The following NPSR1 variants were observed in gnomAD, a reference collection of about 807,000 sequenced individuals.
NPSR1 encodes the protein neuropeptide S receptor 1.
In NPSR1, 48 loss-of-function variants were observed where a neutral mutation model predicts 46.9. The ratio of observed to expected loss-of-function variants is 1.02; its 90% CI spans 0.81 to 1.30. The LOEUF (loss-of-function observed/expected upper bound fraction) is 1.30. Ranked by LOEUF, NPSR1 falls within the 50% of genes most tolerant of loss-of-function variation. The pLI is 0.00. For missense variants in NPSR1, 450 were observed against 449.5 expected, an observed-to-expected ratio of 1.00 and a Z score of -0.01; for synonymous variants, 176 against 168.1, an observed-to-expected ratio of 1.05 and a Z score of -0.36.
chr7:34,845,546 T>A (rs1335597515), intron 7 of NPSR1: 1 of 455,566 alleles, frequency 2.2e-6, no homozygotes, highest in Non-Finnish European at 4.4e-6. Context: ...TACTTCCTAA[T>A]CTCATTTGTT....
At chr7:34,775,255 C>G (rs1012295529) in intron 2 of NPSR1, among the ~76,000 whole-genome samples, 19 of 152,160 alleles carry the variant, frequency 1.2e-4, no homozygotes, top group African/African-American at 4.6e-4. Context: ...ATGGGCAAAG[C>G]AGAAAACGAA....
chr7:34,768,982 G>C (rs977635015), intron 2 of NPSR1, among the ~76,000 whole-genome samples: 5 of 152,132 alleles, frequency 3.3e-5, no homozygotes, highest in Admixed American at 6.6e-5. Context: ...GAGGAGAGAG[G>C]AGGATAGGAT....
At chr7:34,732,562 G>A (rs536885066) in intron 2 of NPSR1, among the ~76,000 whole-genome samples, 1 of 152,110 alleles carries the variant, frequency 6.6e-6, no homozygotes, top group Non-Finnish European at 1.5e-5. Context: ...CCTGACATGG[G>A]GAAAACTCAT....
intron 2 of NPSR1, among the ~76,000 whole-genome samples, chr7:34,775,870 C>A (rs1481191181): frequency 2.6e-5 from 4 of 151,960 alleles, no homozygotes. Flanking sequence ...GTACTAATAG[C>A]CATAAACTTC....
chr7:34,798,466 C>G (rs767513647), intron 3 of NPSR1, among the ~76,000 whole-genome samples: 2 of 152,020 alleles, frequency 1.3e-5, no homozygotes, highest in African/African-American at 2.4e-5. Flanking sequence ...ACCCGGAAGG[C>G]GAAGGTTGCA....
At chr7:34,874,761 G>A (rs994963597) in intron 8 of NPSR1, among the ~76,000 whole-genome samples, 1 of 152,050 alleles carries the variant, frequency 6.6e-6, no homozygotes, top group Non-Finnish European at 1.5e-5. Context: ...CCCTGCATGA[G>A]AAACTAACAG....
At chr7:34,750,807 C>T in intron 2 of NPSR1, 1 of 693,314 alleles carries the variant, frequency 1.4e-6, no homozygotes, top group Admixed American at 1.8e-5. Context: ...TCAGTTTAGG[C>T]TGTGTGGAAC....
intron 1 of NPSR1, among the ~76,000 whole-genome samples, chr7:34,677,340 T>A (rs1459829172): frequency 1.3e-5 from 2 of 152,184 alleles, no homozygotes; most frequent in Non-Finnish European, 2.9e-5. Flanking sequence ...GACCATTTAC[T>A]CACTTCAGCA....
chr7:34,842,826 G>A (rs1050028495), intron 6 of NPSR1, among the ~76,000 whole-genome samples: 6 of 152,136 alleles, frequency 3.9e-5, no homozygotes, highest in African/African-American at 7.2e-5. Flanking sequence ...GCCGCCTCAG[G>A]AGTTCAGCCC....
chr7:34,802,550 C>T (rs62462940), intron 3 of NPSR1, among the ~76,000 whole-genome samples: 1 of 149,662 alleles, frequency 6.7e-6, no homozygotes, highest in Admixed American at 6.6e-5. Flanking sequence ...CCTTACACCT[C>T]ATACAAAAAT....
At chr7:34,832,942 T>C (rs56063022) in intron 5 of NPSR1, among the ~76,000 whole-genome samples, 17 of 152,310 alleles carry the variant, frequency 1.1e-4, no homozygotes, top group Non-Finnish European at 2.2e-4. Flanking sequence ...ATTTTTTCTT[T>C]ACTGCAGGCA....
chr7:34,878,319 A>C (rs1006232116), exon 9 of NPSR1: 9 of 505,196 alleles, frequency 1.8e-5, no homozygotes, highest in Non-Finnish European at 3.3e-5. Flanking sequence ...AGGGAGGGCT[A>C]TAAGAAGGCA....
chr7:34,691,094 T>G (rs1201514338), intron 2 of NPSR1, among the ~76,000 whole-genome samples: 1 of 152,158 alleles, frequency 6.6e-6, no homozygotes, highest in African/African-American at 2.4e-5. Flanking sequence ...AAAGAACAAA[T>G]GTGCCAGCCA....
intron 2 of NPSR1, among the ~76,000 whole-genome samples, chr7:34,702,579 T>A (rs2128696641): frequency 6.6e-6 from 1 of 152,298 alleles, no homozygotes; most frequent in South Asian, 2.1e-4. Context: ...TCTAATGACT[T>A]ATTATCTTGG....
At position 34,658,425 on chromosome 7, in the gene NPSR1, T is replaced by G; in HGVS notation, c.13T>G (p.Phe5Val). The G allele has an allele frequency of 3.1e-6, 5 of 1,614,032 alleles. No homozygotes were observed. Among genetic ancestry groups the G allele is most frequent in the Non-Finnish European group, 4.2e-6 (5 of 1,179,982 alleles). MPAN[F>V]TEGSFDSSGT... is the part of the protein sequence containing the mutation. ...CCCCGCCTGAGCCATGCCAGCCAAC[T>G]TCACAGAGGGCAGCTTCGATTCCAG... The change falls in exon 1 of 9, where the codon TTC becomes GTC. Residue 5 changes from phenylalanine to valine, a missense_variant. By Grantham distance (50) the Phe-to-Val change is conservative. Coordinates refer to ENST00000360581, the MANE Select transcript of NPSR1 (RefSeq NM_207172.2).
intron 6 of NPSR1, 89 bp from the exon 7 acceptor site, chr7:34,844,807 G>T (rs1277566516): frequency 1.2e-6 from 1 of 849,122 alleles, no homozygotes; most frequent in Non-Finnish European, 2.1e-6. Flanking sequence ...GTGAAAACTG[G>T]AGTCTAACCT....
intron 2 of NPSR1, among the ~76,000 whole-genome samples, chr7:34,686,769 A>G (rs1792948746): frequency 1.3e-5 from 2 of 152,036 alleles, no homozygotes; most frequent in African/African-American, 2.4e-5. Context: ...ATCATCCACA[A>G]AAGTATGACT....
chr7:34,805,926 G>A (rs62462948), intron 3 of NPSR1, among the ~76,000 whole-genome samples: 18,622 of 151,784 alleles, frequency 0.12, 1,429 homozygotes, highest in Non-Finnish European at 0.17. Flanking sequence ...ATAGAAAGAA[G>A]CTCAAAATCA....
At chr7:34,680,991 A>G (rs1404694144) in intron 1 of NPSR1, among the ~76,000 whole-genome samples, 1 of 151,024 alleles carries the variant, frequency 6.6e-6, no homozygotes, top group Non-Finnish European at 1.5e-5. Context: ...CTTTTACTCT[A>G]TGATTACTAA....
Sources: allele counts gnomAD v4.1 joint callset (sites outside exome capture counted in the v4.1 genomes callset), GRCh38; gene constraint gnomAD v4.1.1; transcripts MANE v1.5; gene names NCBI Gene and HGNC (gene_info 2026-07-23, HGNC 2026-07-21).